Variants in TNNI3K observed in about 807,000 individuals in gnomAD.
TNNI3K encodes serine/threonine-protein kinase TNNI3K.
A neutral mutation model predicts 114.5 loss-of-function variants in TNNI3K; 140 were observed. That is an observed-to-expected ratio of 1.22 (90% CI 1.07 to 1.41). The LOEUF is 1.41. Ranked by LOEUF, TNNI3K falls within the 40% of genes most tolerant of loss-of-function variation. TNNI3K has a pLI of 0.00. For synonymous variants in TNNI3K, 347 were observed against 347.5 expected (o/e 1.00, Z 0.02); for missense variants, 1,125 against 1,007.6 (o/e 1.12, Z -1.58).
intron 5 of TNNI3K, among the ~76,000 whole-genome samples, chr1:74,326,094 T>C (rs940043335): frequency 3.3e-5 from 5 of 152,126 alleles, no homozygotes; most frequent in African/African-American, 7.2e-5. Flanking sequence ...TAAGCATGAA[T>C]TTGAAGAAGA....
At chr1:74,350,374 T>A (rs1268909970) in intron 9 of TNNI3K, among the ~76,000 whole-genome samples, 2 of 152,228 alleles carry the variant, frequency 1.3e-5, no homozygotes, top group African/African-American at 2.4e-5. Context: ...TGCTGAGGAC[T>A]GCTTTACTTC....
chr1:74,483,352 T>C, intron 21 of TNNI3K: 1 of 717,388 alleles, frequency 1.4e-6, no homozygotes, highest in Non-Finnish European at 2.6e-6. Flanking sequence ...CGCAACATGA[T>C]GGCAAAGAGT....
intron 18 of TNNI3K, 111 bp downstream of exon 18, chr1:74,436,243 C>G: frequency 7.3e-6 from 10 of 1,364,678 alleles, no homozygotes; most frequent in South Asian, 1.3e-5. Flanking sequence ...CTATACTACA[C>G]TGAACACTGA....
chr1:74,465,339 G>A (rs1010198498), intron 21 of TNNI3K, among the ~76,000 whole-genome samples: 8 of 152,218 alleles, frequency 5.3e-5, no homozygotes, highest in Admixed American at 2.6e-4. Flanking sequence ...CCCAGTGGGT[G>A]CAGGCCCCAT....
At chr1:74,536,139 G>T (rs1646658597) in intron 23 of TNNI3K, among the ~76,000 whole-genome samples, 1 of 152,032 alleles carries the variant, frequency 6.6e-6, no homozygotes, top group Non-Finnish European at 1.5e-5. Context: ...CTCCTGCTTT[G>T]GGGAGTTGAG....
At chr1:74,374,980 G>A (rs937158028) in intron 17 of TNNI3K, 3 of 151,784 alleles carry the variant, frequency 2.0e-5, no homozygotes, top group African/African-American at 7.3e-5. Flanking sequence ...AAACATACAT[G>A]GATCAAATAC....
rs534808419 is a variant in TNNI3K at position 74,273,481 on chromosome 1, C to G, written c.444+1773C>G. ...TAACTTCTAGTAAAACATGATCAAC[C>G]TCTTAATGCCAGGAAAATTACAGAC... On this transcript the variant is annotated intron_variant, in intron 5 of 24. Coordinates refer to ENST00000326637, the MANE Select transcript of TNNI3K (RefSeq NM_015978.3). Among the ~76,000 whole-genome samples, 24 of 152,016 alleles carry G rather than the reference C, an allele frequency of 1.6e-4. No individual in the cohort carries two copies. The East Asian group carries it at 4.4e-3, about 28-fold the overall frequency.
At chr1:74,416,415 T>A in intron 17 of TNNI3K, 1 of 964,416 alleles carries the variant, frequency 1.0e-6, no homozygotes, top group Non-Finnish European at 1.2e-6. Context: ...AAAAGAAGTC[T>A]TTGTTAGCAT....
chr1:74,473,719 C>G (rs1260887548), intron 21 of TNNI3K, among the ~76,000 whole-genome samples: 4 of 151,954 alleles, frequency 2.6e-5, no homozygotes, highest in Admixed American at 6.6e-5. Flanking sequence ...TCTGGGTGAC[C>G]TTGGAGAAGC....
intron 22 of TNNI3K, among the ~76,000 whole-genome samples, chr1:74,491,129 A>G (rs1025498183): frequency 5.9e-5 from 9 of 152,230 alleles, no homozygotes; most frequent in Admixed American, 5.2e-4. Flanking sequence ...GTGGTGAATA[A>G]GCTGAAAATC....
chr1:74,490,507 A>G (rs1669013802), intron 22 of TNNI3K, among the ~76,000 whole-genome samples: 1 of 152,126 alleles, frequency 6.6e-6, no homozygotes, highest in South Asian at 2.1e-4. Context: ...GATCTACTAA[A>G]CTAGCTTGTC....
chr1:74,471,165 C>T (rs2100736930), intron 21 of TNNI3K: 1 of 400,634 alleles, frequency 2.5e-6, no homozygotes, highest in East Asian at 3.6e-5. Flanking sequence ...CTATAGAGCT[C>T]TGGTTGACTA....
Position 74,353,287 on chromosome 1 carries a change from C to T in TNNI3K, c.954C>T (p.Ser318=). 1 of 1,613,630 alleles carries T rather than the reference C, an allele frequency of 6.2e-7. No individual in the cohort carries two copies. The highest frequency in any genetic ancestry group is 8.5e-7 in the Non-Finnish European group (1 of 1,179,880). Residue 318 remains serine, a synonymous_variant, in exon 10 of 25, where the codon AGC becomes AGT. Transcript: ENST00000326637. ...AFHSACTYGK[S]IDLVKFLLDQ... ...TCAGTGCTTGTACCTATGGCAAGAG[C>T]ATTGACCTAGTCAAATTTCTTCTTG...
At chr1:74,382,132 G>A (rs1663233116) in intron 17 of TNNI3K, among the ~76,000 whole-genome samples, 2 of 152,156 alleles carry the variant, frequency 1.3e-5, no homozygotes. Flanking sequence ...CCTTCCTTCA[G>A]TAGTGAAAGA....
intron 5 of TNNI3K, among the ~76,000 whole-genome samples, chr1:74,317,675 GAC>G (rs1659387825): frequency 6.6e-6 from 1 of 152,124 alleles, no homozygotes; most frequent in Non-Finnish European, 1.5e-5. Context: ...GATTCTTCAG[GAC>G]ACTCCTGCTT....
chr1:74,349,962 T>C (rs1181804246), intron 9 of TNNI3K, among the ~76,000 whole-genome samples: 1 of 152,206 alleles, frequency 6.6e-6, no homozygotes, highest in Admixed American at 6.5e-5. Flanking sequence ...TTTTTGTGTC[T>C]CCATTTCCTG....
rs568800122 is a variant in TNNI3K, at chr1:74,460,197, A to C, written c.2012-3244A>C. Among the ~76,000 whole-genome samples the C allele has an allele frequency of 1.1e-4, 16 of 151,962 alleles. No homozygotes were observed. The South Asian group carries it at 3.3e-3, about 32-fold the overall frequency. On this transcript the variant is annotated intron_variant, in intron 20 of 24. Coordinates refer to ENST00000326637, the MANE Select transcript of TNNI3K (RefSeq NM_015978.3). Reference sequence around the variant, plus strand: ...TTGAAGTGATTTTCCTGCCTCGAGTAGCTGGGACTACAGGCGCCAGCCACC... The same window carrying C: ...TTGAAGTGATTTTCCTGCCTCGAGTCGCTGGGACTACAGGCGCCAGCCACC...
chr1:74,291,699 G>T (rs1276606685), intron 5 of TNNI3K, among the ~76,000 whole-genome samples: 1 of 151,228 alleles, frequency 6.6e-6, no homozygotes, highest in Non-Finnish European at 1.5e-5. Context: ...CTTATTTAGG[G>T]TTAATGCTTT....
At chr1:74,370,439 G>A (rs202174034) in intron 17 of TNNI3K, 47 bp downstream of exon 17, 82 of 1,529,518 alleles carry the variant, frequency 5.4e-5, no homozygotes, top group Middle Eastern at 1.7e-4. Flanking sequence ...GACTAACTGG[G>A]AGTTTAAGAC....
Sources: gnomAD v4.1 joint callset for allele counts (sites outside exome capture counted in the v4.1 genomes callset) on GRCh38, gnomAD v4.1.1 for gene constraint, MANE v1.5 for transcripts, NCBI Gene and HGNC (gene_info 2026-07-23, HGNC 2026-07-21) for gene names.